LGSN: variants seen among roughly 807,000 people sequenced by gnomAD.
LGSN encodes the protein lengsin, lens protein with glutamine synthetase domain, also known as lengsin.
Under a neutral mutation model 19.5 loss-of-function variants are expected in LGSN, and 21 were observed. That is an observed-to-expected ratio of 1.07 (90% CI 0.76 to 1.55). LGSN has a LOEUF of 1.55. Ranked by LOEUF, LGSN falls within the 40% of genes most tolerant of loss-of-function variation. The pLI is 0.00. For missense variants in LGSN, 673 were observed against 608.5 expected (o/e 1.11, Z -1.12); for synonymous variants, 257 against 215.6 (o/e 1.19, Z -1.68).
chr6:63,331,621 C>T, the LGSN span, among the ~76,000 whole-genome samples: 2 of 152,068 alleles, frequency 1.3e-5, no homozygotes, highest in Non-Finnish European at 1.5e-5. Context: ...GTTGTGCTCA[C>T]CAACGCAGCA....
chr6:63,320,035 G>T, upstream of LGSN: 1 of 956,742 alleles, frequency 1.0e-6, no homozygotes, highest in Non-Finnish European at 1.7e-6. Context: ...AACAAAGACT[G>T]CAGATGATGA....
chr6:63,332,431 C>G, the LGSN span, among the ~76,000 whole-genome samples: 2 of 152,132 alleles, frequency 1.3e-5, no homozygotes, highest in African/African-American at 4.8e-5. Context: ...GAGAGTTCCG[C>G]TCATGGCCGC....
the LGSN span, among the ~76,000 whole-genome samples, chr6:63,568,620 C>T: frequency 1.3e-5 from 2 of 151,324 alleles, no homozygotes; most frequent in African/African-American, 4.9e-5. Context: ...CTCTGATAGA[C>T]TTGCTCGACA....
chr6:63,405,290 G>A, the LGSN span, among the ~76,000 whole-genome samples: 2 of 152,062 alleles, frequency 1.3e-5, no homozygotes, highest in Admixed American at 1.3e-4. Context: ...CTTTATAGCA[G>A]CATGATTTAT....
chr6:63,468,661 C>T, the LGSN span, among the ~76,000 whole-genome samples: 1 of 152,062 alleles, frequency 6.6e-6, no homozygotes, highest in African/African-American at 2.4e-5. Context: ...CTTCTGACCT[C>T]AGGTGATCTG....
At chr6:63,290,719 G>A (rs1038433144) in intron 2 of LGSN, among the ~76,000 whole-genome samples, 1 of 152,174 alleles carries the variant, frequency 6.6e-6, no homozygotes, top group Admixed American at 6.5e-5. Flanking sequence ...TAGGCCATAT[G>A]GTATTCGTTG....
At chr6:63,471,031 C>G in the LGSN span, among the ~76,000 whole-genome samples, 1 of 150,832 alleles carries the variant, frequency 6.6e-6, no homozygotes, top group Non-Finnish European at 1.5e-5. Context: ...ACTTCCGCCT[C>G]CCAGGTTCAA....
At chr6:63,474,887 CAAAA>C in the LGSN span, among the ~76,000 whole-genome samples, 6 of 110,568 alleles carry the variant, frequency 5.4e-5, no homozygotes, top group Admixed American at 1.8e-4. Flanking sequence ...GACTCCGTCT[CAAAA>C]AAAAAAAAAA....
chr6:63,351,416 TGAGAGAGAGAGAGAGAGGAAGAGA>T, the LGSN span, among the ~76,000 whole-genome samples: 1 of 148,238 alleles, frequency 6.7e-6, no homozygotes, highest in Non-Finnish European at 1.5e-5. Context: ...TCTGTGTGTG[TGAGAGAGAGAGAGAGAGGAAGAGA>T]GAGAGAGAGA....
the LGSN span, among the ~76,000 whole-genome samples, chr6:63,387,682 C>T: frequency 6.6e-6 from 1 of 151,924 alleles, no homozygotes; most frequent in Non-Finnish European, 1.5e-5. Flanking sequence ...GAGATCAGTA[C>T]TGAGATTAAC....
At chr6:63,467,278 C>CA in the LGSN span, among the ~76,000 whole-genome samples, 80,265 of 149,326 alleles carry the variant, frequency 0.54, 21,558 homozygotes, top group Middle Eastern at 0.57. Context: ...AAGTGAAATA[C>CA]AAAAAAAAAA....
chr6:63,363,084 G>C, the LGSN span, among the ~76,000 whole-genome samples: 1 of 152,110 alleles, frequency 6.6e-6, no homozygotes, highest in African/African-American at 2.4e-5. Context: ...AGGCAAACAG[G>C]GTCTGGAGTG....
chr6:63,323,754 T>C (rs556570669), upstream of LGSN, among the ~76,000 whole-genome samples: 45 of 150,646 alleles, frequency 3.0e-4, no homozygotes, highest in African/African-American at 1.1e-3. Flanking sequence ...ACCACTGGAA[T>C]CTCGTATGTT....
chr6:63,345,598 A>G, the LGSN span, among the ~76,000 whole-genome samples: 456 of 152,298 alleles, frequency 3.0e-3, 3 homozygotes, highest in African/African-American at 0.01. Flanking sequence ...AGCCAAGATA[A>G]CGATAGGTAG....
the LGSN span, among the ~76,000 whole-genome samples, chr6:63,519,826 C>T: frequency 6.6e-6 from 1 of 152,196 alleles, no homozygotes; most frequent in Non-Finnish European, 1.5e-5. Context: ...AGAATTTTAG[C>T]TCCTGAAATT....
At chr6:63,543,227 C>T in the LGSN span, among the ~76,000 whole-genome samples, 13 of 152,270 alleles carry the variant, frequency 8.5e-5, no homozygotes, top group Non-Finnish European at 1.3e-4. Flanking sequence ...ACTGAAAGTT[C>T]CTTATCCCAG....
the LGSN span, among the ~76,000 whole-genome samples, chr6:63,455,145 C>G: frequency 6.6e-6 from 1 of 152,166 alleles, no homozygotes; most frequent in Non-Finnish European, 1.5e-5. Flanking sequence ...ACCAATAGAA[C>G]CAACTGGATC....
chr6:63,395,208 G>A, the LGSN span: 1 of 152,242 alleles, frequency 6.6e-6, no homozygotes, highest in East Asian at 1.9e-4. Flanking sequence ...GACTGCTCCT[G>A]AGGACAAGGG....
the LGSN span, among the ~76,000 whole-genome samples, chr6:63,552,795 C>G: frequency 4.6e-5 from 7 of 152,220 alleles, 1 homozygote; most frequent in South Asian, 6.2e-4. Context: ...ATAGGGAAAC[C>G]TTTCCCCATT....
Sources: gnomAD v4.1 joint callset for allele counts (sites outside exome capture counted in the v4.1 genomes callset) on GRCh38, gnomAD v4.1.1 for gene constraint, MANE v1.5 for transcripts, NCBI Gene and HGNC (gene_info 2026-07-23, HGNC 2026-07-21) for gene names.